Variants in PNPLA7 observed in about 807,000 individuals in gnomAD.
PNPLA7 encodes the protein patatin like domain 7, lysophospholipase.
A neutral mutation model predicts 161.7 loss-of-function variants in PNPLA7; 153 were observed. That is an observed-to-expected ratio of 0.95 (90% CI 0.83 to 1.08). The LOEUF is 1.08. Ranked by LOEUF, PNPLA7 falls within the 50% of genes least tolerant of loss-of-function variation. The pLI, the probability that PNPLA7 is intolerant of heterozygous loss-of-function variation, is 0.00. For missense variants in PNPLA7, 1,739 were observed against 1,856.6 expected, an observed-to-expected ratio of 0.94 and a Z score of 1.16; for synonymous variants, 809 against 782.1, an observed-to-expected ratio of 1.03 and a Z score of -0.57.
intron 9 of PNPLA7, among the ~76,000 whole-genome samples, chr9:137,522,276 G>C (rs184719178): frequency 8.0e-5 from 12 of 150,866 alleles, no homozygotes; most frequent in Non-Finnish European, 1.5e-4. Context: ...GGGTTTCACC[G>C]TGTGAGCCAG....
At chr9:137,511,843 T>G (rs1000670935) in intron 12 of PNPLA7, among the ~76,000 whole-genome samples, 1 of 152,192 alleles carries the variant, frequency 6.6e-6, no homozygotes, top group African/African-American at 2.4e-5. Flanking sequence ...GATAAGTGCA[T>G]AGAAGAAATG....
intron 19 of PNPLA7, 79 bp from the exon 20 acceptor site, chr9:137,493,161 A>G: frequency 6.9e-7 from 1 of 1,442,142 alleles, no homozygotes; most frequent in East Asian, 2.3e-5. Context: ...GATGCTCAAC[A>G]ACAGCGAGAC....
intron 25 of PNPLA7, among the ~76,000 whole-genome samples, chr9:137,474,050 C>T (rs1007112397): frequency 2.0e-5 from 3 of 152,062 alleles, no homozygotes; most frequent in African/African-American, 7.3e-5. Flanking sequence ...ACGAGCCTGG[C>T]CCACATGGTG....
chr9:137,480,290 C>T (rs753848445), intron 23 of PNPLA7, 22 bp downstream of exon 23: 37 of 1,607,122 alleles, frequency 2.3e-5, no homozygotes, highest in Non-Finnish European at 3.1e-5. Context: ...TCCCCAGCTC[C>T]ACCGGCCCTC....
In PNPLA7 at chr9:137,467,397, T is replaced by A. The variant is rs1342074546; in HGVS notation, c.2959A>T (p.Ile987Phe). ...IPVDMVGGTS[I>F]GAFVGALYSE... Reference sequence around the variant, plus strand: ...TACAGGGCACCCACGAAGGCCCCGATGGACGTGCCTCCCACCATGTCCACA... The same window carrying A: ...TACAGGGCACCCACGAAGGCCCCGAAGGACGTGCCTCCCACCATGTCCACA... The change falls in exon 26 of 35, where the codon ATC (isoleucine) becomes TTC (phenylalanine). Residue 987 changes from isoleucine to phenylalanine, a missense_variant. Around this residue, in one of 6 missense-constraint regions of PNPLA7, gnomAD observed 703 missense variants for 694.6 expected, o/e 1.01. Coordinates refer to ENST00000406427, the MANE Select transcript of PNPLA7 (RefSeq NM_001098537.3). This position sits in a 1 kb window ranked among gnomAD's most constrained non-coding sequence, Gnocchi z 5.1. The A allele has an allele frequency of 1.2e-6, 2 of 1,613,506 alleles. No individual in the cohort carries two copies. Among genetic ancestry groups the A allele is most frequent in the South Asian group, 1.1e-5 (1 of 91,086 alleles).
intron 21 of PNPLA7, among the ~76,000 whole-genome samples, chr9:137,481,804 CGG>C (rs1564294789): frequency 9.9e-5 from 15 of 152,150 alleles, no homozygotes; most frequent in African/African-American, 3.4e-4. Flanking sequence ...GGTGTGGTGG[CGG>C]GCGCCTGTAG....
chr9:137,522,321 A>T (rs2353074), intron 9 of PNPLA7, among the ~76,000 whole-genome samples: 89,289 of 143,874 alleles, frequency 0.62, 28,398 homozygotes, highest in African/African-American at 0.83. Context: ...TGATCCGCCC[A>T]CCTCGGCCTC....
chr9:137,482,631 C>T (rs1311165136), intron 21 of PNPLA7, among the ~76,000 whole-genome samples: 5 of 152,210 alleles, frequency 3.3e-5, no homozygotes, highest in Admixed American at 3.3e-4. Flanking sequence ...AGAGTGGCCC[C>T]GTGTGGTGCA....
chr9:137,516,107 A>C (rs954765971), intron 11 of PNPLA7, among the ~76,000 whole-genome samples: 1 of 4,126 alleles, frequency 2.4e-4, no homozygotes, highest in Non-Finnish European at 4.1e-4. Flanking sequence ...CATGCGCCCC[A>C]CCCCCATCCC....
At position 137,495,144 on chromosome 9, in the gene PNPLA7, C is replaced by G. The variant is rs199863279; in HGVS notation, c.2016G>C (p.Val672=). The change falls in exon 19 of 35, where the codon GTG becomes GTC. Residue 672 remains valine (V), a splice_region_variant and synonymous_variant. Coordinates refer to ENST00000406427, the MANE Select transcript of PNPLA7 (RefSeq NM_001098537.3). ...EYGRGDLVGV[V]ETLTHQARAT... ...CCCGGGCCTGGTGGGTCAGTGTCTCCACCTGAGGACAGGAGCCGGCTGCTG... is the reference window on the plus strand; with the variant it reads ...CCCGGGCCTGGTGGGTCAGTGTCTCGACCTGAGGACAGGAGCCGGCTGCTG... 2.8e-4 allele frequency: 453 copies of G among 1,593,060 alleles called. No individual in the cohort carries two copies. Among genetic ancestry groups the G allele is most frequent in the Admixed American group, 7.2e-4 (43 of 59,660 alleles).
At chr9:137,481,943 A>G (rs1832242603) in intron 21 of PNPLA7, among the ~76,000 whole-genome samples, 1 of 152,206 alleles carries the variant, frequency 6.6e-6, no homozygotes, top group Admixed American at 6.5e-5. Context: ...CTCAGAAAAA[A>G]CAACAACTAG....
chr9:137,509,403 G>A (rs1272581061), intron 12 of PNPLA7: 8 of 195,540 alleles, frequency 4.1e-5, no homozygotes, highest in South Asian at 8.0e-5. Context: ...GAGTTTAGCC[G>A]GCGTGAGTGA....
intron 21 of PNPLA7, among the ~76,000 whole-genome samples, chr9:137,481,786 C>A (rs1327456066): frequency 6.6e-6 from 1 of 152,128 alleles, no homozygotes; most frequent in Non-Finnish European, 1.5e-5. Flanking sequence ...AAATACAAAA[C>A]TTAGCTGGGT....
chr9:137,508,083 C>T (rs770028568), intron 12 of PNPLA7, among the ~76,000 whole-genome samples: 2 of 151,926 alleles, frequency 1.3e-5, no homozygotes, highest in Non-Finnish European at 2.9e-5. Flanking sequence ...GTCCCAGCTA[C>T]CCATGAGGCT....
intron 20 of PNPLA7, among the ~76,000 whole-genome samples, chr9:137,487,478 C>T (rs1465365242): frequency 1.3e-5 from 2 of 152,222 alleles, no homozygotes; most frequent in South Asian, 2.1e-4. Flanking sequence ...CCCTGCCTGA[C>T]GCATGTGCAG....
chr9:137,462,378 C>T (rs748859363), intron 30 of PNPLA7, 47 bp from the exon 31 acceptor site: 3 of 1,554,190 alleles, frequency 1.9e-6, no homozygotes, highest in Non-Finnish European at 2.6e-6. Context: ...GCCCCTACCC[C>T]GTCCCAGCCT....
chr9:137,540,499 C>G lies in PNPLA7; in HGVS notation c.747+143G>C. The G allele has an allele frequency of 1.4e-6, 1 of 715,290 alleles. No individual in the cohort carries two copies. The highest frequency in any genetic ancestry group is 2.3e-6 in the Non-Finnish European group (1 of 433,336). 44.3% of individuals were successfully genotyped at this position (715,290 alleles called of 1,614,324 possible). A position where few individuals can be genotyped will look rare whatever the true frequency, so the allele number is the denominator to read the frequency against. ...GAAGCTCCCTCCTCTTTCTTCCCTC[C>G]TTCCTGGACCAAACCCTGCTCCCCT... On this transcript the variant is annotated intron_variant, in intron 8 of 34. Coordinates refer to ENST00000406427, the MANE Select transcript of PNPLA7 (RefSeq NM_001098537.3). The surrounding 1 kb of genome is among the most constrained non-coding windows in gnomAD (Gnocchi z 5.1).
At chr9:137,461,331 C>G in intron 33 of PNPLA7, 1 of 530,498 alleles carries the variant, frequency 1.9e-6, no homozygotes, top group South Asian at 2.7e-5. Flanking sequence ...GGCTGGGTGA[C>G]CCGGGGTGGT....
chr9:137,511,563 C>T (rs956101549), intron 12 of PNPLA7, among the ~76,000 whole-genome samples: 1 of 152,212 alleles, frequency 6.6e-6, no homozygotes, highest in Non-Finnish European at 1.5e-5. Context: ...CTGGAAGGCA[C>T]CCATTACTTA....
Sources: allele counts gnomAD v4.1 joint callset (sites outside exome capture counted in the v4.1 genomes callset), GRCh38; gene constraint gnomAD v4.1.1; regional missense constraint gnomAD v4.1.1; non-coding constraint Gnocchi (gnomAD v3.1); transcripts MANE v1.5; gene names NCBI Gene and HGNC (gene_info 2026-07-23, HGNC 2026-07-21).